Variants in RAP1GDS1 observed in about 807,000 individuals in gnomAD.
The protein encoded by RAP1GDS1 is Rap1 GTPase-GDP dissociation stimulator 1, also known as RAP1, GTP-GDP dissociation stimulator 1.
Under a neutral mutation model 71.1 loss-of-function variants are expected in RAP1GDS1, and 35 were observed. The observed-to-expected ratio is 0.49, with a 90% CI of 0.38 to 0.65. The LOEUF is 0.65. Among genes scored for constraint, RAP1GDS1 ranks in the 30% least tolerant of loss-of-function variants. The pLI, the probability that RAP1GDS1 is intolerant of heterozygous loss-of-function variation, is 0.00. For missense variants in RAP1GDS1, 663 were observed against 706.1 expected, an observed-to-expected ratio of 0.94 and a Z score of 0.69; for synonymous variants, 229 against 243.1, an observed-to-expected ratio of 0.94 and a Z score of 0.54.
chr4:98,417,560 C>T, intron 9 of RAP1GDS1, 62 bp downstream of exon 9: 2 of 1,519,494 alleles, frequency 1.3e-6, no homozygotes, highest in Non-Finnish European at 1.8e-6. Context: ...TTTTGCTTTG[C>T]TACCACATAT....
intron 12 of RAP1GDS1, among the ~76,000 whole-genome samples, chr4:98,433,466 T>A (rs1290256351): frequency 6.6e-6 from 1 of 152,048 alleles, no homozygotes; most frequent in African/African-American, 2.4e-5. Flanking sequence ...GGCTAATTTT[T>A]TTATTTTTTG....
intron 1 of RAP1GDS1, among the ~76,000 whole-genome samples, chr4:98,286,572 T>C (rs1726050793): frequency 6.6e-6 from 1 of 152,046 alleles, no homozygotes; most frequent in East Asian, 1.9e-4. Flanking sequence ...CAGACTAAAA[T>C]AGAGTTTTAA....
intron 12 of RAP1GDS1, among the ~76,000 whole-genome samples, chr4:98,422,570 G>A (rs909616754): frequency 6.6e-6 from 1 of 152,158 alleles, no homozygotes; most frequent in Non-Finnish European, 1.5e-5. Flanking sequence ...TACAACTTCA[G>A]TAGTGATTAT....
chr4:98,350,399 C>T (rs1736990380), intron 3 of RAP1GDS1, among the ~76,000 whole-genome samples: 1 of 152,110 alleles, frequency 6.6e-6, no homozygotes, highest in Non-Finnish European at 1.5e-5. Context: ...GAGTTAGTAG[C>T]ATGTTAATTT....
chr4:98,344,996 A>G (rs1736014524), intron 3 of RAP1GDS1, among the ~76,000 whole-genome samples: 1 of 151,818 alleles, frequency 6.6e-6, no homozygotes, highest in Non-Finnish European at 1.5e-5. Context: ...GCTAATTTTT[A>G]AATTATTATT....
chr4:98,371,316 C>T (rs1288307515), intron 4 of RAP1GDS1, among the ~76,000 whole-genome samples: 3 of 151,764 alleles, frequency 2.0e-5, no homozygotes, highest in African/African-American at 7.3e-5. Context: ...AGGATTTCAC[C>T]TTGTCGGGCC....
At chr4:98,261,691 T>G (rs956543975) in intron 1 of RAP1GDS1, 122 bp downstream of exon 1, 1 of 1,274,894 alleles carries the variant, frequency 7.8e-7, no homozygotes. Context: ...TGTGAGACGG[T>G]GGCTGTTCCT....
At chr4:98,265,542 G>C (rs577812462) in intron 1 of RAP1GDS1, among the ~76,000 whole-genome samples, 1 of 152,064 alleles carries the variant, frequency 6.6e-6, no homozygotes, top group Non-Finnish European at 1.5e-5. Context: ...TTTAACTTTC[G>C]AGAGTACAAT....
chr4:98,440,853 G>C (rs1037200928), intron 14 of RAP1GDS1, among the ~76,000 whole-genome samples: 4 of 152,146 alleles, frequency 2.6e-5, no homozygotes, highest in Admixed American at 6.5e-5. Context: ...GAGTAGCTGG[G>C]ATTATAGGCA....
chr4:98,359,042 C>T (rs777073782), intron 4 of RAP1GDS1, among the ~76,000 whole-genome samples: 1 of 151,964 alleles, frequency 6.6e-6, no homozygotes. Flanking sequence ...GTGGGGGCAG[C>T]AGGCATACAC....
chr4:98,293,453 A>C lies in RAP1GDS1; in HGVS notation c.50A>C (p.Asp17Ala). 1 of 1,609,906 alleles carries C rather than the reference A, an allele frequency of 6.2e-7. No individual in the cohort carries two copies. The highest frequency in any genetic ancestry group is 8.5e-7 in the Non-Finnish European group (1 of 1,178,732). ...AAGAAGCTGAAGATAACAGCTGTTG[A>C]CAAGACTGAGGATAGTTTAGAAGGA... ...TLKKLKITAV[D>A]KTEDSLEGCL... is the part of the protein sequence containing the mutation. Residue 17 changes from aspartate (D) to alanine (A), a missense_variant, in exon 2 of 15, where the codon GAC (aspartate) becomes GCC (alanine). Coordinates refer to ENST00000408927, the MANE Select transcript of RAP1GDS1 (RefSeq NM_001100427.2).
At chr4:98,397,511 C>T (rs1309209180) in intron 6 of RAP1GDS1, among the ~76,000 whole-genome samples, 1 of 151,978 alleles carries the variant, frequency 6.6e-6, no homozygotes, top group East Asian at 1.9e-4. Flanking sequence ...AGAACAACCT[C>T]AAGGGAAGGG....
At chr4:98,267,121 T>A (rs1210213059) in intron 1 of RAP1GDS1, among the ~76,000 whole-genome samples, 1 of 152,206 alleles carries the variant, frequency 6.6e-6, no homozygotes, top group Non-Finnish European at 1.5e-5. Context: ...GAGTTCAGTT[T>A]GCCAGTATTT....
rs537443385 is a variant in RAP1GDS1 at position 98,404,195 on chromosome 4, C to T, written c.638-282C>T. ...TATGTTATGAGAAATTTTTCTTTGA[C>T]TAAAATCCTTAAAACTATGAATTTA... On this transcript the variant is annotated intron_variant, in intron 6 of 14. Coordinates refer to ENST00000408927, the MANE Select transcript of RAP1GDS1 (RefSeq NM_001100427.2). Among the ~76,000 whole-genome samples the T allele has an allele frequency of 4.6e-5, 7 of 152,204 alleles. No homozygotes were observed. In the East Asian group the frequency reaches 1.4e-3, roughly 29 times the overall value.
chr4:98,276,349 C>T (rs1419350998), intron 1 of RAP1GDS1, among the ~76,000 whole-genome samples: 1 of 152,088 alleles, frequency 6.6e-6, no homozygotes, highest in East Asian at 1.9e-4. Context: ...AACAAGTACT[C>T]TTTCTAAAAT....
intron 2 of RAP1GDS1, among the ~76,000 whole-genome samples, chr4:98,316,653 G>A (rs1197531700): frequency 6.6e-6 from 1 of 152,046 alleles, no homozygotes; most frequent in East Asian, 1.9e-4. Flanking sequence ...AAAGAGAGAA[G>A]CTGTTTTTGA....
intron 2 of RAP1GDS1, among the ~76,000 whole-genome samples, chr4:98,308,602 A>G (rs553431291): frequency 6.6e-6 from 1 of 152,146 alleles, no homozygotes; most frequent in African/African-American, 2.4e-5. Flanking sequence ...TAATAAAATT[A>G]TTTGTTGAGA....
At chr4:98,391,876 G>A in intron 5 of RAP1GDS1, 76 bp from the exon 6 acceptor site, 5 of 1,318,638 alleles carry the variant, frequency 3.8e-6, no homozygotes, top group Non-Finnish European at 5.0e-6. Context: ...AAAATAAGAG[G>A]TGTTTTCTTC....
chr4:98,389,003 G>GCTGCAAAGAATAGCAA (rs1743198465), intron 5 of RAP1GDS1, among the ~76,000 whole-genome samples: 1 of 140,220 alleles, frequency 7.1e-6, no homozygotes, highest in African/African-American at 3.1e-5. Flanking sequence ...AAGAATAGCA[G>GCTGCAAAGAATAGCAA]TTTGTTTTAC....
Sources: allele counts gnomAD v4.1 joint callset (sites outside exome capture counted in the v4.1 genomes callset), GRCh38; gene constraint gnomAD v4.1.1; transcripts MANE v1.5; gene names NCBI Gene and HGNC (gene_info 2026-07-23, HGNC 2026-07-21).